Variants in C4orf51 observed in about 807,000 individuals in gnomAD.
C4orf51 encodes uncharacterized protein C4orf51.
C4orf51 carries 25 observed loss-of-function variants against 25.2 expected under a neutral mutation model. That is an observed-to-expected ratio of 0.99 (90% CI 0.72 to 1.39). C4orf51 has a LOEUF of 1.39. Ranked by LOEUF, C4orf51 falls within the 40% of genes most tolerant of loss-of-function variation. The pLI is 0.00. For missense variants in C4orf51, 252 were observed against 239.6 expected (o/e 1.05, Z -0.34); for synonymous variants, 100 against 84.5 (o/e 1.18, Z -1.01).
At chr4:145,734,880 G>A (rs1292069351), downstream of C4orf51, among the ~76,000 whole-genome samples, 2 of 152,178 alleles carry the variant, frequency 1.3e-5, no homozygotes, top group African/African-American at 4.8e-5. Context: ...CTTGTTCTTT[G>A]TGGAGCAAGA....
downstream of C4orf51, among the ~76,000 whole-genome samples, chr4:145,756,183 T>G (rs1171699572): frequency 6.6e-6 from 1 of 152,222 alleles, no homozygotes; most frequent in Non-Finnish European, 1.5e-5. Context: ...TGGTTTGCTA[T>G]TTCTCCTTGC....
chr4:145,719,879 GAA>G (rs1167573499), intron 2 of C4orf51, among the ~76,000 whole-genome samples: 1 of 152,194 alleles, frequency 6.6e-6, no homozygotes, highest in East Asian at 1.9e-4. Context: ...GCGGGGAGAA[GAA>G]AAGAGGAGAG....
chr4:145,694,959 G>T (rs1305737065), intron 1 of C4orf51, among the ~76,000 whole-genome samples: 2 of 152,170 alleles, frequency 1.3e-5, no homozygotes, highest in African/African-American at 2.4e-5. Context: ...AATCACTAAA[G>T]ACGATAAGAA....
intron 2 of C4orf51, among the ~76,000 whole-genome samples, chr4:145,714,723 T>C (rs1731310562): frequency 6.6e-6 from 1 of 152,242 alleles, no homozygotes; most frequent in South Asian, 2.1e-4. Context: ...ATTTTTCTTA[T>C]TGCTCAAAGT....
intron 1 of C4orf51, among the ~76,000 whole-genome samples, chr4:145,692,166 C>T (rs76207717): frequency 0.037 from 5,555 of 152,136 alleles, 292 homozygotes; most frequent in African/African-American, 0.12. Context: ...CTAAAAGAAG[C>T]AAAATGTAGA....
intron 1 of C4orf51, among the ~76,000 whole-genome samples, chr4:145,692,994 G>T (rs1213654944): frequency 8.3e-6 from 1 of 120,016 alleles, no homozygotes; most frequent in Non-Finnish European, 1.8e-5. Flanking sequence ...GTCCCATCAG[G>T]TGAAATGAAC....
intron 1 of C4orf51, among the ~76,000 whole-genome samples, chr4:145,768,471 T>A (rs1301197636): frequency 1.3e-5 from 2 of 151,940 alleles, no homozygotes; most frequent in East Asian, 3.9e-4. Flanking sequence ...GGCCTAAAGA[T>A]GTACATTATA....
Position 145,702,851 on chromosome 4 carries a change from C to G in C4orf51, c.307+6219C>G, listed in dbSNP as rs553425435. Among the ~76,000 whole-genome samples, 351 of 138,658 alleles carry G rather than the reference C, an allele frequency of 2.5e-3. 1 individual carries two copies. Among genetic ancestry groups the G allele is most frequent in the African/African-American group, 9.2e-3 (344 of 37,522 alleles). 91.0% of individuals were successfully genotyped at this position (138,658 alleles called of 152,430 possible). On this transcript the variant is annotated intron_variant, in intron 2 of 5. Coordinates refer to ENST00000438731, the MANE Select transcript of C4orf51 (RefSeq NM_001080531.3). ...TATGACAAATGTTTCTTCTAACATC[C>G]CCACAATATCACCCCTTACCACAAG...
At chr4:145,766,118 A>T (rs983827281) in intron 1 of C4orf51, among the ~76,000 whole-genome samples, 1 of 152,138 alleles carries the variant, frequency 6.6e-6, no homozygotes, top group Non-Finnish European at 1.5e-5. Flanking sequence ...CCATTTTACG[A>T]TGAGGGAATG....
chr4:145,719,178 G>T (rs1159084369), intron 2 of C4orf51, among the ~76,000 whole-genome samples: 1 of 152,168 alleles, frequency 6.6e-6, no homozygotes, highest in East Asian at 1.9e-4. Context: ...TTGAACAATG[G>T]TTTTTATGGT....
chr4:145,759,420 A>G (rs1053446756), intron 1 of C4orf51: 3 of 152,350 alleles, frequency 2.0e-5, no homozygotes, highest in African/African-American at 4.8e-5. Context: ...GAGCTTTTAA[A>G]TAAGTATAAA....
At chr4:145,767,213 A>G (rs1262656931) in intron 1 of C4orf51, among the ~76,000 whole-genome samples, 4 of 152,236 alleles carry the variant, frequency 2.6e-5, no homozygotes, top group Non-Finnish European at 5.9e-5. Context: ...ATGATATTAA[A>G]AAGATCTAAA....
chr4:145,742,990 A>AT (rs1733182849), intron 1 of C4orf51, among the ~76,000 whole-genome samples: 1 of 152,248 alleles, frequency 6.6e-6, no homozygotes, highest in Non-Finnish European at 1.5e-5. Flanking sequence ...TGGATTAACT[A>AT]TCCAAAGAGC....
intron 1 of C4orf51, among the ~76,000 whole-genome samples, chr4:145,766,495 C>T (rs930620138): frequency 6.6e-6 from 1 of 152,192 alleles, no homozygotes; most frequent in Admixed American, 6.5e-5. Context: ...CCTTGAGACT[C>T]TCCAGGCTTC....
At chr4:145,691,185 G>A (rs1024960699) in intron 1 of C4orf51, among the ~76,000 whole-genome samples, 2 of 152,104 alleles carry the variant, frequency 1.3e-5, no homozygotes, top group African/African-American at 4.8e-5. Flanking sequence ...CAACAAACAT[G>A]AAGAAAATGC....
At chr4:145,730,757 A>C (rs901562378) in intron 5 of C4orf51, among the ~76,000 whole-genome samples, 2 of 152,152 alleles carry the variant, frequency 1.3e-5, no homozygotes, top group African/African-American at 4.8e-5. Context: ...ACTACCTAAC[A>C]GTATCACAAG....
chr4:145,777,946 C>A, the C4orf51 span, among the ~76,000 whole-genome samples: 2 of 152,128 alleles, frequency 1.3e-5, no homozygotes, highest in African/African-American at 2.4e-5. Flanking sequence ...ATTTTATTGA[C>A]CCTTACTTAT....
chr4:145,766,110 AT>A (rs2043682846), intron 1 of C4orf51, among the ~76,000 whole-genome samples: 1 of 152,268 alleles, frequency 6.6e-6, no homozygotes, highest in South Asian at 2.1e-4. Flanking sequence ...TATCAGCCCC[AT>A]TTTACGATGA....
chr4:145,732,004 C>G (rs771615059), intron 5 of C4orf51, among the ~76,000 whole-genome samples: 1 of 152,178 alleles, frequency 6.6e-6, no homozygotes, highest in Admixed American at 6.5e-5. Context: ...AAATTTTCAA[C>G]GATCATTAAC....
Sources: gnomAD v4.1 joint callset for allele counts (sites outside exome capture counted in the v4.1 genomes callset) on GRCh38, gnomAD v4.1.1 for gene constraint, MANE v1.5 for transcripts, NCBI Gene and HGNC (gene_info 2026-07-23, HGNC 2026-07-21) for gene names.